EBF2: variants seen among roughly 807,000 people sequenced by gnomAD.
The protein encoded by EBF2 is EBF transcription factor 2, also known as transcription factor COE2.
EBF2 carries 21 observed loss-of-function variants against 72.8 expected under a neutral mutation model. The observed-to-expected ratio is 0.29, with a 90% confidence interval of 0.20 to 0.42. The LOEUF (loss-of-function observed/expected upper bound fraction) is 0.42, where lower values mean the gene tolerates loss of function less well. EBF2 is among the 10% of genes least tolerant of loss of function. EBF2 has a pLI of 1.00. For missense variants in EBF2, 637 were observed against 731.2 expected, an observed-to-expected ratio of 0.87 and a Z score of 1.49; for synonymous variants, 299 against 274.2, an observed-to-expected ratio of 1.09 and a Z score of -0.89.
intron 6 of EBF2, among the ~76,000 whole-genome samples, chr8:25,963,897 G>T (rs982352656): frequency 6.6e-6 from 1 of 152,100 alleles, no homozygotes; most frequent in African/African-American, 2.4e-5. Flanking sequence ...TTCTAATGGG[G>T]CTCTAGTTTA....
chr8:25,986,008 A>AAAAAAAG (rs1804447324), intron 6 of EBF2, among the ~76,000 whole-genome samples: 1 of 147,288 alleles, frequency 6.8e-6, no homozygotes, highest in Non-Finnish European at 1.5e-5. Flanking sequence ...TCTCAAAAAA[A>AAAAAAAG]AAAAAAAAAA....
At chr8:25,980,162 G>C (rs1359040655) in intron 6 of EBF2, among the ~76,000 whole-genome samples, 2 of 152,160 alleles carry the variant, frequency 1.3e-5, no homozygotes, top group East Asian at 3.8e-4. Context: ...AAAAGCGGGG[G>C]TGGGAGGGGC....
intron 6 of EBF2, among the ~76,000 whole-genome samples, chr8:26,018,788 C>T (rs1805156161): frequency 6.6e-6 from 1 of 151,916 alleles, no homozygotes; most frequent in African/African-American, 2.4e-5. Flanking sequence ...TGAAGAGGTC[C>T]CTGAGCTTGG....
intron 6 of EBF2, among the ~76,000 whole-genome samples, chr8:25,951,470 C>T (rs924065072): frequency 3.3e-5 from 5 of 152,188 alleles, no homozygotes; most frequent in Admixed American, 2.6e-4. Flanking sequence ...GGAATCCACC[C>T]CCTCACTTCC....
intron 6 of EBF2, among the ~76,000 whole-genome samples, chr8:25,968,896 T>G (rs1804151722): frequency 6.6e-6 from 1 of 152,144 alleles, no homozygotes; most frequent in Non-Finnish European, 1.5e-5. Flanking sequence ...TGAGGCTGGA[T>G]GATGGTGATG....
At chr8:26,023,333 T>G (rs990421218) in intron 6 of EBF2, among the ~76,000 whole-genome samples, 28 of 152,198 alleles carry the variant, frequency 1.8e-4, no homozygotes, top group African/African-American at 5.5e-4. Flanking sequence ...CAGCACAATT[T>G]TAGAGTACTG....
chr8:26,006,040 A>C (rs2117228129), intron 6 of EBF2, among the ~76,000 whole-genome samples: 1 of 152,184 alleles, frequency 6.6e-6, no homozygotes, highest in Non-Finnish European at 1.5e-5. Context: ...ATCCATTTTC[A>C]CAAGGAGCCA....
chr8:25,956,573 C>T (rs758951206), intron 6 of EBF2, among the ~76,000 whole-genome samples: 15 of 152,120 alleles, frequency 9.9e-5, no homozygotes, highest in Non-Finnish European at 1.9e-4. Flanking sequence ...TCTCATCCCT[C>T]GCCCTCTCCC....
At chr8:25,897,098 C>A (rs894609998) in intron 7 of EBF2, among the ~76,000 whole-genome samples, 5 of 152,178 alleles carry the variant, frequency 3.3e-5, no homozygotes, top group African/African-American at 1.2e-4. Context: ...AAGTCCCAGA[C>A]AGGAGAACAC....
chr8:25,950,556 C>T (rs528274252), intron 6 of EBF2, among the ~76,000 whole-genome samples: 9 of 152,194 alleles, frequency 5.9e-5, no homozygotes, highest in African/African-American at 2.2e-4. Flanking sequence ...AAAGAGGGGA[C>T]AAAGGGAACC....
At chr8:26,027,628 C>A (rs931580157) in intron 6 of EBF2, among the ~76,000 whole-genome samples, 4 of 1,294 alleles carry the variant, frequency 3.1e-3, no homozygotes, top group Non-Finnish European at 5.6e-3. Context: ...GTATGTTCCC[C>A]AAAGAATTGA....
intron 7 of EBF2, among the ~76,000 whole-genome samples, chr8:25,907,945 AC>A (rs1803065995): frequency 6.6e-6 from 1 of 152,112 alleles, no homozygotes; most frequent in African/African-American, 2.4e-5. Flanking sequence ...GGGTGATGAA[AC>A]CGGTGGCAGA....
chr8:25,861,776 A>G (rs1281394471), intron 11 of EBF2, among the ~76,000 whole-genome samples: 1 of 152,234 alleles, frequency 6.6e-6, no homozygotes, highest in Non-Finnish European at 1.5e-5. Context: ...GCTGCTTGCC[A>G]AGGAGTTGTC....
At chr8:26,009,934 G>A (rs1428479312) in intron 6 of EBF2, among the ~76,000 whole-genome samples, 2 of 152,176 alleles carry the variant, frequency 1.3e-5, no homozygotes, top group East Asian at 1.9e-4. Flanking sequence ...TTCACTGGAC[G>A]CCCTCCACTT....
intron 1 of EBF2, 131 bp from the exon 2 acceptor site, chr8:26,042,382 C>T: frequency 8.5e-7 from 1 of 1,170,338 alleles, no homozygotes; most frequent in Non-Finnish European, 1.2e-6. Flanking sequence ...ACCCTTCGGG[C>T]CTTTTTTCCA....
At chr8:25,944,798 T>C (rs1193619912) in intron 6 of EBF2, among the ~76,000 whole-genome samples, 1 of 149,828 alleles carries the variant, frequency 6.7e-6, no homozygotes, top group African/African-American at 2.4e-5. Context: ...TACATGTATA[T>C]GTATTTATAT....
chr8:26,005,666 C>A (rs1804867743), intron 6 of EBF2, among the ~76,000 whole-genome samples: 1 of 139,636 alleles, frequency 7.2e-6, no homozygotes, highest in African/African-American at 2.7e-5. Context: ...TCTGTCTCTA[C>A]AAAAAAAATT....
At chr8:25,912,521 A>G (rs201869686) in intron 6 of EBF2, among the ~76,000 whole-genome samples, 15 of 13,776 alleles carry the variant, frequency 1.1e-3, no homozygotes, top group Non-Finnish European at 2.3e-3. Context: ...AATCAGGAGA[A>G]AAAAAAAAAG....
chr8:25,946,889 G>T (rs75863338), intron 6 of EBF2, among the ~76,000 whole-genome samples: 3,450 of 152,274 alleles, frequency 0.023, 134 homozygotes, highest in African/African-American at 0.077. Flanking sequence ...GGTTACTGTA[G>T]TGGAGAGGGT....
Sources: allele counts gnomAD v4.1 joint callset (sites outside exome capture counted in the v4.1 genomes callset), GRCh38; gene constraint gnomAD v4.1.1; transcripts MANE v1.5; gene names NCBI Gene and HGNC (gene_info 2026-07-23, HGNC 2026-07-21).